The following PCNX2 variants were observed in gnomAD, a reference collection of about 807,000 sequenced individuals.
PCNX2 encodes pecanex-like protein 2.
PCNX2 carries 168 observed loss-of-function variants against 223.8 expected under a neutral mutation model. That is an observed-to-expected ratio of 0.75 (90% confidence interval 0.66 to 0.85). The LOEUF (loss-of-function observed/expected upper bound fraction) is 0.85, where lower values mean the gene tolerates loss of function less well. Among genes scored for constraint, PCNX2 ranks in the 40% least tolerant of loss-of-function variants. The probability of loss-of-function intolerance (pLI) is 0.00; values close to 1 mark genes in which losing one functional copy is unlikely to be tolerated. For synonymous variants in PCNX2, 1,006 were observed against 1,052.6 expected (o/e 0.96, Z 0.86); for missense variants, 2,507 against 2,675.5 (o/e 0.94, Z 1.39).
chr1:233,291,710 C>T (rs1558431827), intron 1 of PCNX2: 1 of 985,192 alleles, frequency 1.0e-6, no homozygotes, highest in Non-Finnish European at 1.2e-6. Context: ...CCCATATGCC[C>T]CTGCTGTAAA....
intron 15 of PCNX2, among the ~76,000 whole-genome samples, chr1:233,196,195 C>T (rs985442969): frequency 6.6e-6 from 1 of 151,966 alleles, no homozygotes; most frequent in Non-Finnish European, 1.5e-5. Context: ...ATGTCATACA[C>T]AAAAATCATC....
intron 23 of PCNX2, among the ~76,000 whole-genome samples, chr1:233,065,885 A>G (rs1672583445): frequency 6.6e-6 from 1 of 152,156 alleles, no homozygotes; most frequent in Non-Finnish European, 1.5e-5. Flanking sequence ...CCCTGGTGAA[A>G]CCCAACCTTC....
rs749185277 is a variant in PCNX2 at position 233,252,474 on chromosome 1, T to A, written c.2008A>T (p.Ile670Leu). ...TGTTGGGAAGTTACCCTGTAGATTATCTGTCTTTGTCTATTGCCCTGAAAA... is the reference window on the plus strand; with the variant it reads ...TGTTGGGAAGTTACCCTGTAGATTAACTGTCTTTGTCTATTGCCCTGAAAA... ...AFFQGNRQRQ[I>L]IYRVTSQQDS... The change falls in exon 7 of 34, where the codon ATA becomes TTA. Residue 670 changes from isoleucine to leucine, a missense_variant. Around this residue, in one of 3 missense-constraint regions of PCNX2, gnomAD observed 1,031 missense variants for 1,021.7 expected, o/e 1.01. Transcript: ENST00000258229. The A allele has an allele frequency of 1.1e-5, 17 of 1,610,158 alleles. No individual in the cohort carries two copies. The Admixed American group carries it at 2.9e-4, about 27-fold the overall frequency.
chr1:233,243,229 T>A (rs148607198), intron 8 of PCNX2, among the ~76,000 whole-genome samples: 2 of 152,332 alleles, frequency 1.3e-5, no homozygotes, highest in African/African-American at 4.8e-5. Flanking sequence ...TATAAAACTG[T>A]CACACGGTAA....
the PCNX2 span, among the ~76,000 whole-genome samples, chr1:233,307,999 C>T: frequency 1.2e-4 from 19 of 152,232 alleles, no homozygotes; most frequent in Admixed American, 3.9e-4. Context: ...CTTCTGTTAA[C>T]CAAGTTATGA....
At chr1:233,049,643 C>T (rs1446192338) in intron 25 of PCNX2, among the ~76,000 whole-genome samples, 2 of 152,032 alleles carry the variant, frequency 1.3e-5, no homozygotes, top group Non-Finnish European at 2.9e-5. Flanking sequence ...TAAAAGACAT[C>T]CAAATAGAAA....
chr1:233,218,213 A>G, intron 10 of PCNX2, 29 bp from the exon 11 acceptor site: 1 of 694,712 alleles, frequency 1.4e-6, no homozygotes, highest in East Asian at 8.4e-5. Flanking sequence ...TAAAAGCAAA[A>G]AAAAAAAAAA....
chr1:233,169,256 T>C (rs1391826961), intron 17 of PCNX2, among the ~76,000 whole-genome samples: 1 of 152,160 alleles, frequency 6.6e-6, no homozygotes, highest in East Asian at 1.9e-4. Flanking sequence ...ATTTATTTTA[T>C]GGATCCTAAG....
the PCNX2 span, among the ~76,000 whole-genome samples, chr1:233,315,415 A>T: frequency 6.6e-6 from 1 of 152,208 alleles, no homozygotes; most frequent in Non-Finnish European, 1.5e-5. Context: ...CAATTTTATC[A>T]TCTCATTACT....
Position 233,295,472 on chromosome 1 carries a change from A to T in PCNX2, c.7T>A (p.Ser3Thr). 6.5e-7 allele frequency: 1 copy of T among 1,548,414 alleles called. No homozygotes were observed. The highest frequency in any genetic ancestry group is 2.4e-5 in the East Asian group (1 of 40,826). The change falls in exon 1 of 34, where the codon TCC becomes ACC. Residue 3 changes from serine (S) to threonine (T), a missense_variant. Around this residue, in one of 3 missense-constraint regions of PCNX2, gnomAD observed 1,031 missense variants for 1,021.7 expected, o/e 1.01. Transcript: ENST00000258229. The surrounding 1 kb of genome is among the most constrained non-coding windows in gnomAD (Gnocchi z 4.1). ...TGCCGGAGCAGCTGCAGCACCTGGG[A>T]CACCATGCCGGCTGCGCCCCGGGGC... Reference protein sequence around the residue: MVSQVLQLLRQGV... With the variant: MVTQVLQLLRQGV...
At chr1:233,134,939 T>A in intron 21 of PCNX2, 74 bp downstream of exon 21, 1 of 1,285,480 alleles carries the variant, frequency 7.8e-7, no homozygotes, top group Non-Finnish European at 1.1e-6. Flanking sequence ...GAATAAGTTT[T>A]AAACTCTTAA....
intron 12 of PCNX2, among the ~76,000 whole-genome samples, chr1:233,210,266 A>G (rs1051528175): frequency 7.9e-5 from 12 of 152,140 alleles, no homozygotes; most frequent in Admixed American, 7.2e-4. Flanking sequence ...CATTTTGCTA[A>G]TACAAGGCAC....
At position 233,289,533 on chromosome 1, in the gene PCNX2, C is replaced by T. The variant is rs577881728; in HGVS notation, c.153+5793G>A. 1.0e-4 allele frequency: 68 copies of T among 659,718 alleles called. No homozygotes were observed. The African/African-American group carries it at 1.1e-3, about 11-fold the overall frequency. 40.9% of individuals were successfully genotyped at this position (659,718 alleles called of 1,614,324 possible). A position where few individuals can be genotyped will look rare whatever the true frequency, so the allele number is the denominator to read the frequency against. ...AAGCAACTCCATGCTGCAGGCTCTT[C>T]GCCTGAAATACAACTCTGCTTCAGG... On this transcript the variant is annotated intron_variant, in intron 1 of 33. Transcript: ENST00000258229.
intron 31 of PCNX2, among the ~76,000 whole-genome samples, chr1:232,998,744 A>C (rs1669965085): frequency 6.6e-6 from 1 of 152,238 alleles, no homozygotes; most frequent in Non-Finnish European, 1.5e-5. Flanking sequence ...ACTGATTACT[A>C]CATCCAGGTA....
chr1:233,156,302 G>C (rs1467072883), intron 19 of PCNX2, among the ~76,000 whole-genome samples: 1 of 152,174 alleles, frequency 6.6e-6, no homozygotes, highest in African/African-American at 2.4e-5. Flanking sequence ...ATTCTACCAA[G>C]TAGAAGTACA....
chr1:233,299,386 C>A (rs550179986), upstream of PCNX2, among the ~76,000 whole-genome samples: 2 of 152,268 alleles, frequency 1.3e-5, no homozygotes, highest in African/African-American at 4.8e-5. Context: ...TTTGTATCTC[C>A]AACTAAACCT....
intron 8 of PCNX2, among the ~76,000 whole-genome samples, chr1:233,245,182 T>C (rs1019892166): frequency 5.3e-5 from 8 of 152,242 alleles, no homozygotes; most frequent in African/African-American, 1.9e-4. Context: ...CCCACATTTA[T>C]TGAGCACCTA....
chr1:233,149,819 A>C (rs1213439516), intron 19 of PCNX2, among the ~76,000 whole-genome samples: 1 of 152,012 alleles, frequency 6.6e-6, no homozygotes, highest in Non-Finnish European at 1.5e-5. Flanking sequence ...AATTAAGTGA[A>C]TTCAGGGCTG....
chr1:232,994,740 G>A (rs1669818192), intron 32 of PCNX2, among the ~76,000 whole-genome samples: 1 of 152,160 alleles, frequency 6.6e-6, no homozygotes, highest in South Asian at 2.1e-4. Flanking sequence ...GTTTCCCCCA[G>A]GCTGTTTTTG....
Sources: gnomAD v4.1 joint callset for allele counts (sites outside exome capture counted in the v4.1 genomes callset) on GRCh38, gnomAD v4.1.1 for gene constraint, gnomAD v4.1.1 regional missense constraint, Gnocchi (gnomAD v3.1) non-coding constraint, MANE v1.5 for transcripts, NCBI Gene and HGNC (gene_info 2026-07-23, HGNC 2026-07-21) for gene names.